HECTD4: variants seen among roughly 807,000 people sequenced by gnomAD.
The protein encoded by HECTD4 is probable E3 ubiquitin-protein ligase HECTD4.
Under a neutral mutation model 471.5 loss-of-function variants are expected in HECTD4, and 114 were observed. That is an observed-to-expected ratio of 0.24 (90% confidence interval 0.21 to 0.28). HECTD4 has a LOEUF of 0.28. Ranked by LOEUF, HECTD4 falls within the 10% of genes least tolerant of loss-of-function variation. The pLI, the probability that HECTD4 is intolerant of heterozygous loss-of-function variation, is 1.00. For synonymous variants in HECTD4, 2,012 were observed against 2,256.0 expected (o/e 0.89, Z 3.07); for missense variants, 3,866 against 5,651.5 (o/e 0.68, Z 10.13).
chr12:112,180,531 TAAA>T (rs35992099), intron 62 of HECTD4, among the ~76,000 whole-genome samples: 1 of 140,190 alleles, frequency 7.1e-6, no homozygotes, highest in East Asian at 2.0e-4. Flanking sequence ...TGAGACTGTT[TAAA>T]AAAAAAAAAA....
At position 112,243,792 on chromosome 12, in the gene HECTD4, C is replaced by A; in HGVS notation, c.4650-31G>T. ...GGGAACACAGAACAGACTGGCAAGACGAGAAACACACTCAGGGAGCTTGTT... is the reference window on the plus strand; with the variant it reads ...GGGAACACAGAACAGACTGGCAAGAAGAGAAACACACTCAGGGAGCTTGTT... On this transcript the variant is annotated intron_variant, in intron 30 of 75. Coordinates refer to ENST00000682272, the MANE Select transcript of HECTD4 (RefSeq NM_001388303.1). The surrounding 1 kb of genome is among the most constrained non-coding windows in gnomAD (Gnocchi z 6.6). 1 of 1,609,250 alleles carries A rather than the reference C, an allele frequency of 6.2e-7. No homozygotes were observed.
In HECTD4 at chr12:112,162,620, G is replaced by A; in HGVS notation, c.13121-97C>T. On this transcript the variant is annotated intron_variant, in intron 75 of 75. Coordinates refer to ENST00000682272, the MANE Select transcript of HECTD4 (RefSeq NM_001388303.1). This position sits in a 1 kb window ranked among gnomAD's most constrained non-coding sequence, Gnocchi z 5.2. ...CTCTGCTTCCAGGTTTGCCTCCTTG[G>A]GTAGCCCCAAGCCAATCCTGGGGCC... 2 of 1,493,168 alleles carry A rather than the reference G, an allele frequency of 1.3e-6. No homozygotes were observed. The highest frequency in any genetic ancestry group is 1.8e-6 in the Non-Finnish European group (2 of 1,091,364). The allele number at this position is 1,493,168 out of a possible 1,614,324, so 92.5% of individuals were successfully genotyped here. A position where few individuals can be genotyped will look rare whatever the true frequency, so the allele number is the denominator to read the frequency against.
In HECTD4 at chr12:112,235,565, G is replaced by T. The variant is rs375775601; in HGVS notation, c.5664C>A (p.Ser1888Arg). Residue 1888 changes from serine to arginine, a missense_variant, in exon 36 of 76, where the codon AGC (serine) becomes AGA (arginine). By Grantham distance (110) the Ser-to-Arg change is moderately radical (BLOSUM62 -1). Around this residue, in one of 16 missense-constraint regions of HECTD4, gnomAD observed 617 missense variants for 915.1 expected, o/e 0.67. Coordinates refer to ENST00000682272, the MANE Select transcript of HECTD4 (RefSeq NM_001388303.1). This position sits in a 1 kb window ranked among gnomAD's most constrained non-coding sequence, Gnocchi z 5.0. The stretch of plus-strand genomic sequence containing the variant: ...GGGAGGCGATCTTGGAAGCTGGGTC[G>T]CTGGGATCCTCCTGCTCACTGTTTA... ...PSLNSEQEDP[S>R]DPASKIASLL... The T allele has an allele frequency of 3.1e-6, 5 of 1,613,794 alleles. No homozygotes were observed. In the Admixed American group the frequency reaches 8.3e-5, roughly 27 times the overall value.
chr12:112,324,171 G>A (rs923741600), intron 1 of HECTD4, among the ~76,000 whole-genome samples: 4 of 144,998 alleles, frequency 2.8e-5, no homozygotes, highest in South Asian at 4.4e-4. Flanking sequence ...CTGGAGTACA[G>A]TGGTGCAATC....
chr12:112,302,049 T>G (rs1423227462), intron 7 of HECTD4: 1 of 1,329,574 alleles, frequency 7.5e-7, no homozygotes, highest in Non-Finnish European at 1.1e-6. Flanking sequence ...TCTTCCAAGT[T>G]CACCTGTGTG....
At chr12:112,356,048 C>T (rs1219533558) in intron 1 of HECTD4, among the ~76,000 whole-genome samples, 5 of 152,014 alleles carry the variant, frequency 3.3e-5, no homozygotes, top group Non-Finnish European at 7.4e-5. Flanking sequence ...CAGTCACTGA[C>T]CTTCCTTTAT....
At chr12:112,249,538 G>C (rs1411188153) in intron 25 of HECTD4, 1 of 154,134 alleles carries the variant, frequency 6.5e-6, no homozygotes, top group Non-Finnish European at 1.4e-5. Context: ...AAAAACGATA[G>C]TGTTTTCTGT....
intron 7 of HECTD4, among the ~76,000 whole-genome samples, chr12:112,292,560 G>GAT (rs2034910032): frequency 6.6e-6 from 1 of 152,188 alleles, no homozygotes; most frequent in Admixed American, 6.5e-5. Context: ...GCATGTAGAA[G>GAT]GCCCTTTGTA....
intron 54 of HECTD4, among the ~76,000 whole-genome samples, chr12:112,202,210 T>A (rs1308051816): frequency 1.4e-5 from 2 of 144,358 alleles, no homozygotes; most frequent in African/African-American, 5.1e-5. Flanking sequence ...GATGATGTAA[T>A]TTTTTTTTTT....
chr12:112,313,260 T>A, intron 3 of HECTD4, 113 bp from the exon 4 acceptor site: 1 of 599,076 alleles, frequency 1.7e-6, no homozygotes, highest in Non-Finnish European at 2.6e-6. Flanking sequence ...AGATGTATAA[T>A]ATTTTATACA....
chr12:112,252,308 G>T, intron 23 of HECTD4, 116 bp downstream of exon 23: 2 of 1,058,742 alleles, frequency 1.9e-6, no homozygotes, highest in Non-Finnish European at 2.6e-6. Context: ...AACTAGAAGA[G>T]AAAGATGAAA....
At chr12:112,211,779 C>T (rs2032768508) in intron 49 of HECTD4, among the ~76,000 whole-genome samples, 1 of 152,188 alleles carries the variant, frequency 6.6e-6, no homozygotes, top group Non-Finnish European at 1.5e-5. Context: ...TTAGCAACTA[C>T]AAGCATGGAG....
At chr12:112,284,923 C>A (rs1324783635) in intron 7 of HECTD4, among the ~76,000 whole-genome samples, 1 of 152,062 alleles carries the variant, frequency 6.6e-6, no homozygotes, top group Non-Finnish European at 1.5e-5. Flanking sequence ...CTCAATCTCC[C>A]CAGGCTCAGA....
chr12:112,291,875 A>G (rs2034895879), intron 7 of HECTD4, among the ~76,000 whole-genome samples: 2 of 152,278 alleles, frequency 1.3e-5, no homozygotes, highest in South Asian at 4.2e-4. Flanking sequence ...CCATCTCAGA[A>G]AAAGAAAAAA....
intron 32 of HECTD4, among the ~76,000 whole-genome samples, chr12:112,241,878 T>C (rs1312604217): frequency 6.6e-6 from 1 of 152,086 alleles, no homozygotes; most frequent in Non-Finnish European, 1.5e-5. Context: ...TTTCTCAAGA[T>C]ACTCACTTCA....
At chr12:112,225,479 G>A (rs182182315) in intron 44 of HECTD4, among the ~76,000 whole-genome samples, 1 of 152,066 alleles carries the variant, frequency 6.6e-6, no homozygotes, top group Non-Finnish European at 1.5e-5. Flanking sequence ...TATCCTTGGG[G>A]ACAAAAGATA....
At chr12:112,300,427 C>T (rs935161291) in intron 7 of HECTD4, among the ~76,000 whole-genome samples, 3 of 151,800 alleles carry the variant, frequency 2.0e-5, no homozygotes, top group African/African-American at 7.3e-5. Context: ...TGGTGCTTTT[C>T]GAATTGCTCA....
chr12:112,339,240 C>T (rs1281560109), intron 1 of HECTD4, among the ~76,000 whole-genome samples: 4 of 151,468 alleles, frequency 2.6e-5, no homozygotes, highest in Non-Finnish European at 4.4e-5. Context: ...CAAAATTATG[C>T]AGCAGTGAAA....
intron 29 of HECTD4, among the ~76,000 whole-genome samples, chr12:112,244,466 T>C (rs985557963): frequency 6.6e-6 from 1 of 152,180 alleles, no homozygotes; most frequent in Non-Finnish European, 1.5e-5. Context: ...TCTCCCAGGT[T>C]CAAGCAATTC....
Sources: allele counts gnomAD v4.1 joint callset (sites outside exome capture counted in the v4.1 genomes callset), GRCh38; gene constraint gnomAD v4.1.1; regional missense constraint gnomAD v4.1.1; non-coding constraint Gnocchi (gnomAD v3.1); transcripts MANE v1.5; gene names NCBI Gene and HGNC (gene_info 2026-07-23, HGNC 2026-07-21).